The following CEP128 variants were observed in gnomAD, a reference collection of about 807,000 sequenced individuals.
The protein encoded by CEP128 is centrosomal protein 128, also known as centrosomal protein 128kDa.
Under a neutral mutation model 156.7 loss-of-function variants are expected in CEP128, and 132 were observed. The observed-to-expected ratio is 0.84, with a 90% CI of 0.73 to 0.97. CEP128 has a LOEUF of 0.97. Among genes scored for constraint, CEP128 ranks in the 50% least tolerant of loss-of-function variants. CEP128 has a pLI of 0.00. For missense variants in CEP128, 1,252 were observed against 1,281.9 expected (o/e 0.98, Z 0.36); for synonymous variants, 469 against 448.9 (o/e 1.04, Z -0.57).
At position 80,792,787 on chromosome 14, in the gene CEP128, A is replaced by G. The variant is rs770722741; in HGVS notation, c.1533T>C (p.Val511=). ...ERALEKQSET[V]DELTGKNNQI... Reference sequence around the variant, plus strand: ...GATTATTCTTGCCTGTCAGTTCATCAACAGTTTCAGATTGTTTCTCCAACG... The same window carrying G: ...GATTATTCTTGCCTGTCAGTTCATCGACAGTTTCAGATTGTTTCTCCAACG... Residue 511 remains valine, a synonymous_variant, in exon 14 of 25, where the codon GTT becomes GTC. Coordinates refer to ENST00000555265, the MANE Select transcript of CEP128 (RefSeq NM_152446.5). The G allele has an allele frequency of 5.6e-6, 9 of 1,614,088 alleles. No homozygotes were observed. The highest frequency in any genetic ancestry group is 7.6e-6 in the Non-Finnish European group (9 of 1,179,976).
intron 8 of CEP128, among the ~76,000 whole-genome samples, chr14:80,865,602 A>C (rs561573366): frequency 5.9e-5 from 9 of 152,148 alleles, no homozygotes; most frequent in Admixed American, 2.6e-4. Flanking sequence ...GGCTAGCCCT[A>C]GGGACTTTCT....
intron 14 of CEP128, among the ~76,000 whole-genome samples, chr14:80,789,841 T>C (rs1901611484): frequency 6.6e-6 from 1 of 151,260 alleles, no homozygotes; most frequent in Admixed American, 6.6e-5. Flanking sequence ...AACTAAAAGG[T>C]AGATGAGGGG....
chr14:80,627,962 C>CTG (rs761139474), intron 19 of CEP128, among the ~76,000 whole-genome samples: 86 of 151,680 alleles, frequency 5.7e-4, no homozygotes, highest in African/African-American at 8.5e-4. Flanking sequence ...CTCACTCAGG[C>CTG]TGTGTGTGTG....
chr14:80,530,955 T>C, intron 21 of CEP128, 69 bp from the exon 22 acceptor site: 1 of 980,248 alleles, frequency 1.0e-6, no homozygotes, highest in Non-Finnish European at 1.6e-6. Context: ...ATCCACATAC[T>C]AAAAATCAGA....
chr14:80,749,203 A>T (rs1274451402), intron 18 of CEP128, among the ~76,000 whole-genome samples: 4 of 152,198 alleles, frequency 2.6e-5, no homozygotes, highest in African/African-American at 9.7e-5. Context: ...TGGTAACCCA[A>T]GCACTTCGGA....
intron 6 of CEP128, among the ~76,000 whole-genome samples, chr14:80,902,541 G>A (rs1361985298): frequency 6.6e-6 from 1 of 152,126 alleles, no homozygotes; most frequent in Non-Finnish European, 1.5e-5. Context: ...AAAACAAAGA[G>A]GTCAAAGTGC....
At chr14:80,666,094 C>T (rs146305759) in intron 19 of CEP128, among the ~76,000 whole-genome samples, 25 of 152,282 alleles carry the variant, frequency 1.6e-4, no homozygotes, top group Non-Finnish European at 3.1e-4. Flanking sequence ...AATTTTACAA[C>T]TCTATTAAGC....
chr14:80,817,019 T>C (rs1884902718), intron 13 of CEP128, among the ~76,000 whole-genome samples: 4 of 147,010 alleles, frequency 2.7e-5, no homozygotes, highest in Admixed American at 6.8e-5. Flanking sequence ...AGGCTAAAAA[T>C]TGAGTGAGAT....
intron 24 of CEP128, among the ~76,000 whole-genome samples, chr14:80,502,409 C>T (rs1887779414): frequency 6.6e-6 from 1 of 152,170 alleles, no homozygotes; most frequent in Non-Finnish European, 1.5e-5. Context: ...CACTCCTGGC[C>T]TCTTGTTCTG....
intron 23 of CEP128, among the ~76,000 whole-genome samples, chr14:80,520,989 A>ATTTTTTTT (rs533538115): frequency 9.6e-5 from 11 of 114,602 alleles, no homozygotes; most frequent in Non-Finnish European, 1.5e-4. Flanking sequence ...CGCCCAGCTA[A>ATTTTTTTT]TTTTTTTTTT....
upstream of CEP128, chr14:80,945,414 T>C (rs1238596392): frequency 2.6e-5 from 4 of 152,224 alleles, no homozygotes; most frequent in Non-Finnish European, 4.4e-5. Flanking sequence ...GTGTCATCAA[T>C]GATCTCATTA....
At chr14:80,955,117 G>A (rs979436727) in intron 2 of CEP128, 1 of 188,592 alleles carries the variant, frequency 5.3e-6, no homozygotes, top group Non-Finnish European at 1.1e-5. Context: ...ACCCTCAGCA[G>A]AGGTGTCTCT....
chr14:80,613,292 ATTTTTTTTTTTT>A (rs60007458), intron 19 of CEP128, among the ~76,000 whole-genome samples: 2 of 65,426 alleles, frequency 3.1e-5, no homozygotes, highest in African/African-American at 6.5e-5. Flanking sequence ...AATGGAGAGC[ATTTTTTTTTTTT>A]TTTTTTTTTT....
chr14:80,488,060 A>G (rs535488556), downstream of CEP128, among the ~76,000 whole-genome samples: 1,213 of 148,544 alleles, frequency 8.2e-3, 3 homozygotes, highest in Non-Finnish European at 0.013. Context: ...GACACAAAAA[A>G]CCCTTCAAAA....
intron 9 of CEP128, among the ~76,000 whole-genome samples, chr14:80,846,037 G>A (rs1023418273): frequency 3.3e-5 from 5 of 152,082 alleles, no homozygotes; most frequent in South Asian, 2.1e-4. Context: ...TAGCATTAAC[G>A]GCATTAAATG....
At chr14:80,744,824 C>A (rs776759974) in intron 18 of CEP128, among the ~76,000 whole-genome samples, 6 of 152,136 alleles carry the variant, frequency 3.9e-5, no homozygotes, top group Non-Finnish European at 5.9e-5. Flanking sequence ...CCTTGCTCCC[C>A]CAATGTGCCA....
intron 19 of CEP128, among the ~76,000 whole-genome samples, chr14:80,715,451 G>A (rs1344557346): frequency 1.3e-5 from 2 of 152,070 alleles, no homozygotes; most frequent in Non-Finnish European, 2.9e-5. Context: ...GTGGGTGAAC[G>A]CATATGCAAT....
intron 2 of CEP128, chr14:80,956,054 C>G: frequency 1.5e-6 from 1 of 648,868 alleles, no homozygotes. Context: ...TGTTGACATC[C>G]TCATTCCCAA....
At chr14:80,534,036 A>C (rs1376754855) in intron 21 of CEP128, among the ~76,000 whole-genome samples, 2 of 152,216 alleles carry the variant, frequency 1.3e-5, no homozygotes, top group Admixed American at 6.5e-5. Flanking sequence ...TTGCAACAAC[A>C]AGATGTGAAG....
Sources: allele counts gnomAD v4.1 joint callset (sites outside exome capture counted in the v4.1 genomes callset), GRCh38; gene constraint gnomAD v4.1.1; transcripts MANE v1.5; gene names NCBI Gene and HGNC (gene_info 2026-07-23, HGNC 2026-07-21).